The following ADAMTS16 variants were observed in gnomAD, a reference collection of about 807,000 sequenced individuals.
ADAMTS16 encodes ADAM metallopeptidase with thrombospondin type 1 motif 16.
A neutral mutation model predicts 145.8 loss-of-function variants in ADAMTS16; 94 were observed. The observed-to-expected ratio is 0.64, with a 90% CI of 0.55 to 0.77. The LOEUF (loss-of-function observed/expected upper bound fraction) is 0.77. ADAMTS16 is among the 30% of genes least tolerant of loss of function. The pLI is 0.00. For missense variants in ADAMTS16, 1,585 were observed against 1,591.5 expected (o/e 1.00, Z 0.07); for synonymous variants, 659 against 604.3 (o/e 1.09, Z -1.33).
In ADAMTS16 at chr5:5,184,135, G is replaced by T. The variant is rs148993474; in HGVS notation, c.763+1830G>T. Reference sequence around the variant, plus strand: ...GAATCAACAGCGCTGCTTCCTACTGGAGCGTGCATCCTCAGGGCCCTGTGT... The same window carrying T: ...GAATCAACAGCGCTGCTTCCTACTGTAGCGTGCATCCTCAGGGCCCTGTGT... On this transcript the variant is annotated intron_variant, in intron 4 of 22. Coordinates refer to ENST00000274181, the MANE Select transcript of ADAMTS16 (RefSeq NM_139056.4). 4.7e-3 allele frequency among the ~76,000 whole-genome samples: 723 copies of T among 152,268 alleles called. 4 individuals are homozygous for T. Among genetic ancestry groups the T allele is most frequent in the African/African-American group, 0.016 (675 of 41,544 alleles).
Position 5,317,898 on chromosome 5 carries a change from C to G in ADAMTS16, c.3412-236C>G, listed in dbSNP as rs1307252652. Among the ~76,000 whole-genome samples, 1 of 152,210 alleles carries G rather than the reference C, an allele frequency of 6.6e-6. No individual in the cohort carries two copies. Among genetic ancestry groups the G allele is most frequent in the Non-Finnish European group, 1.5e-5 (1 of 68,038 alleles). ...TATGTCAGCTGGTTGGTTTGGAATG[C>G]TCTGCTAGAGGCCTGGCCCAGCACA... On this transcript the variant is annotated intron_variant, in intron 21 of 22. Transcript: ENST00000274181. This position sits in a 1 kb window ranked among gnomAD's most constrained non-coding sequence, Gnocchi z 4.5.
chr5:5,294,075 G>A lies in ADAMTS16; in HGVS notation c.2790-9193G>A, dbSNP rs1007033006. ...AGTAATGTTGTGTGTTCATGTTCGC[G>A]CTGGAAATACTTCTTCTTGGCAGCA... On this transcript the variant is annotated intron_variant, in intron 18 of 22. Coordinates refer to ENST00000274181, the MANE Select transcript of ADAMTS16 (RefSeq NM_139056.4). Among the ~76,000 whole-genome samples, 8 of 152,184 alleles carry A rather than the reference G, an allele frequency of 5.3e-5. No homozygotes were observed. The South Asian group carries it at 6.2e-4, about 12-fold the overall frequency.
At chr5:5,294,697 C>T (rs1739460730) in intron 18 of ADAMTS16, among the ~76,000 whole-genome samples, 1 of 152,178 alleles carries the variant, frequency 6.6e-6, no homozygotes, top group Admixed American at 6.5e-5. Flanking sequence ...GAATGATACA[C>T]AGGAGGGAGT....
intron 6 of ADAMTS16, among the ~76,000 whole-genome samples, chr5:5,188,559 A>G (rs1013546647): frequency 1.3e-5 from 2 of 152,182 alleles, no homozygotes; most frequent in Non-Finnish European, 2.9e-5. Flanking sequence ...GAGAGTGGGT[A>G]CTGGACAGGA....
rs143107816 is a variant in ADAMTS16 at position 5,229,730 on chromosome 5, C to T, written c.1702-2638C>T. On this transcript the variant is annotated intron_variant, in intron 11 of 22. Transcript: ENST00000274181. ...TTCTTTATCATTTAGAGAAAAGCAT[C>T]GTGGTTTTCCTGTACGATCTCAAAC... Among the ~76,000 whole-genome samples the T allele has an allele frequency of 4.8e-3, 734 of 152,218 alleles. 7 individuals are homozygous for T. The highest frequency in any genetic ancestry group is 0.016 in the African/African-American group (678 of 41,518).
At chr5:5,188,203 T>G (rs1735563034) in intron 6 of ADAMTS16, among the ~76,000 whole-genome samples, 1 of 152,228 alleles carries the variant, frequency 6.6e-6, no homozygotes, top group Non-Finnish European at 1.5e-5. Flanking sequence ...TTTGTGGTCT[T>G]GAAGTTACAT....
At chr5:5,303,217 T>C in intron 18 of ADAMTS16, 51 bp from the exon 19 acceptor site, 1 of 1,478,552 alleles carries the variant, frequency 6.8e-7, no homozygotes. Flanking sequence ...GGGCCGCTTC[T>C]ATCAGAGTGA....
At chr5:5,189,385 T>C (rs1735595887) in intron 6 of ADAMTS16, among the ~76,000 whole-genome samples, 1 of 152,232 alleles carries the variant, frequency 6.6e-6, no homozygotes, top group South Asian at 2.1e-4. Context: ...AGGTTGAACA[T>C]GGCTTGCAAA....
intron 10 of ADAMTS16, among the ~76,000 whole-genome samples, chr5:5,218,752 G>A (rs192224914): frequency 3.0e-3 from 462 of 152,320 alleles, no homozygotes; most frequent in Middle Eastern, 0.027. Context: ...GATGGAGTGG[G>A]AAGGTGGTCT....
intron 17 of ADAMTS16, among the ~76,000 whole-genome samples, chr5:5,246,998 T>A (rs1331189868): frequency 1.3e-5 from 2 of 152,190 alleles, no homozygotes; most frequent in African/African-American, 4.8e-5. Flanking sequence ...CAGCTGCAGT[T>A]GGGACGCCTG....
intron 18 of ADAMTS16, among the ~76,000 whole-genome samples, chr5:5,285,183 A>C (rs1380206139): frequency 6.6e-6 from 1 of 152,236 alleles, no homozygotes; most frequent in Non-Finnish European, 1.5e-5. Flanking sequence ...AGAGTGGTCC[A>C]CACCCATCAA....
At chr5:5,174,909 C>T (rs1445688993) in intron 3 of ADAMTS16, among the ~76,000 whole-genome samples, 1 of 152,196 alleles carries the variant, frequency 6.6e-6, no homozygotes, top group African/African-American at 2.4e-5. Context: ...GCTGCCAGGA[C>T]TGAGACTCAC....
At chr5:5,154,151 A>G (rs1006750925) in intron 3 of ADAMTS16, among the ~76,000 whole-genome samples, 1 of 152,220 alleles carries the variant, frequency 6.6e-6, no homozygotes. Context: ...GAGAGGAAGA[A>G]CCCACATGGG....
chr5:5,295,423 C>A (rs1371529988), intron 18 of ADAMTS16, among the ~76,000 whole-genome samples: 2 of 152,200 alleles, frequency 1.3e-5, no homozygotes, highest in Non-Finnish European at 2.9e-5. Flanking sequence ...TATTACATAA[C>A]TCCAATAACA....
chr5:5,283,636 G>A (rs868051763), intron 18 of ADAMTS16, among the ~76,000 whole-genome samples: 8 of 152,206 alleles, frequency 5.3e-5, no homozygotes, highest in African/African-American at 1.9e-4. Flanking sequence ...GGATCACAGA[G>A]TCACAGAGGA....
rs1232375623 is a variant in ADAMTS16, at chr5:5,155,126, G to C, written c.501+8671G>C. Reference sequence around the variant, plus strand: ...GAGGTTTAACGAGAGCAGCCTGATTGTATCTGCTTAACATGGATATGACCT... The same window carrying C: ...GAGGTTTAACGAGAGCAGCCTGATTCTATCTGCTTAACATGGATATGACCT... On this transcript the variant is annotated intron_variant, in intron 3 of 22. Transcript: ENST00000274181. Among the ~76,000 whole-genome samples, 3 of 152,192 alleles carry C rather than the reference G, an allele frequency of 2.0e-5. No homozygotes were observed. The East Asian group carries it at 5.8e-4, about 29-fold the overall frequency.
At chr5:5,258,028 G>C (rs1446838762) in intron 17 of ADAMTS16, among the ~76,000 whole-genome samples, 1 of 152,196 alleles carries the variant, frequency 6.6e-6, no homozygotes, top group Non-Finnish European at 1.5e-5. Context: ...AGATCTCGAA[G>C]GGTCCCGAGC....
chr5:5,234,403 G>C (rs1737031358), intron 12 of ADAMTS16, among the ~76,000 whole-genome samples: 1 of 152,164 alleles, frequency 6.6e-6, no homozygotes, highest in Admixed American at 6.5e-5. Context: ...GCCCCTCCCT[G>C]TGCAGGGTGA....
intron 10 of ADAMTS16, among the ~76,000 whole-genome samples, chr5:5,210,318 G>A (rs1736240588): frequency 6.6e-6 from 1 of 152,144 alleles, no homozygotes; most frequent in East Asian, 1.9e-4. Context: ...TTGTGACCAC[G>A]GACTGTGTCA....
Sources: allele counts gnomAD v4.1 joint callset (sites outside exome capture counted in the v4.1 genomes callset), GRCh38; gene constraint gnomAD v4.1.1; non-coding constraint Gnocchi (gnomAD v3.1); transcripts MANE v1.5; gene names NCBI Gene and HGNC (gene_info 2026-07-23, HGNC 2026-07-21).